The following PCDHA7 variants were observed in gnomAD, a reference collection of about 807,000 sequenced individuals.
PCDHA7 encodes the protein protocadherin alpha 7, also known as protocadherin alpha-7.
Under a neutral mutation model 57.2 loss-of-function variants are expected in PCDHA7, and 37 were observed. The observed-to-expected ratio is 0.65, with a 90% CI of 0.50 to 0.85. The LOEUF is 0.85. Among genes scored for constraint, PCDHA7 ranks in the 40% least tolerant of loss-of-function variants. The pLI, the probability that PCDHA7 is intolerant of heterozygous loss-of-function variation, is 0.00. For synonymous variants in PCDHA7, 553 were observed against 558.8 expected (o/e 0.99, Z 0.15); for missense variants, 1,188 against 1,241.8 (o/e 0.96, Z 0.65).
chr5:140,883,850 C>G (rs369951260), intron 1 of PCDHA7: 31 of 1,612,792 alleles, frequency 1.9e-5, no homozygotes, highest in African/African-American at 4.0e-5. Flanking sequence ...CCACGAGGAG[C>G]TGGAGCTGTT....
intron 1 of PCDHA7, among the ~76,000 whole-genome samples, chr5:140,973,759 C>G (rs1050304490): frequency 2.0e-5 from 3 of 152,250 alleles, no homozygotes; most frequent in Non-Finnish European, 4.4e-5. Flanking sequence ...TGCAGGGACA[C>G]AGCCTGGCAT....
chr5:140,882,853 A>G lies in PCDHA7; in HGVS notation c.2355+46115A>G, dbSNP rs782160647. On this transcript the variant is annotated intron_variant, in intron 1 of 3. Transcript: ENST00000525929. ...AGCAAATGTCTTCATTATCACTTGTACTGAGGAAAACACTGGACAGAGAGG... is the reference window on the plus strand; with the variant it reads ...AGCAAATGTCTTCATTATCACTTGTGCTGAGGAAAACACTGGACAGAGAGG... 1.9e-6 allele frequency: 3 copies of G among 1,614,218 alleles called. No individual in the cohort carries two copies. The Admixed American group carries it at 5.0e-5, about 27-fold the overall frequency.
chr5:140,842,491 GCCCCATGT>G (rs1428836968), intron 1 of PCDHA7: 1 of 1,613,778 alleles, frequency 6.2e-7, no homozygotes, highest in African/African-American at 1.3e-5. Context: ...GCTCCCTGAT[GCCCCATGT>G]CCCCTTCAAG....
chr5:140,959,060 T>C (rs1201389008), intron 1 of PCDHA7, among the ~76,000 whole-genome samples: 1 of 152,138 alleles, frequency 6.6e-6, no homozygotes, highest in Admixed American at 6.5e-5. Context: ...AAATGCAGTA[T>C]ATATAGAATT....
At chr5:140,925,382 C>A (rs2082461008) in intron 1 of PCDHA7, among the ~76,000 whole-genome samples, 1 of 152,078 alleles carries the variant, frequency 6.6e-6, no homozygotes, top group Non-Finnish European at 1.5e-5. Flanking sequence ...GTCAATGAGT[C>A]TCCTTTTGGC....
At chr5:140,990,273 G>A (rs2097384089) in intron 3 of PCDHA7, among the ~76,000 whole-genome samples, 2 of 152,100 alleles carry the variant, frequency 1.3e-5, no homozygotes, top group African/African-American at 4.8e-5. Flanking sequence ...AATGTACCCC[G>A]GGTCTTGAGA....
intron 1 of PCDHA7, chr5:140,852,478 A>G: frequency 5.0e-6 from 1 of 199,118 alleles, no homozygotes. Flanking sequence ...GGGTTTCATC[A>G]TGTTGGCCAG....
At position 140,836,458 on chromosome 5, in the gene PCDHA7, A is replaced by T. The variant is rs2150261468; in HGVS notation, c.2075A>T (p.Glu692Val). 14 of 1,613,642 alleles carry T rather than the reference A, an allele frequency of 8.7e-6. No homozygotes were observed. In the African/African-American group the frequency reaches 1.7e-4, roughly 20 times the overall value. Residue 692 changes from glutamate (E) to valine (V), a missense_variant, in exon 1 of 4, where the codon GAG (glutamate) becomes GTG (valine). Physicochemically the swap from Glu to Val is moderately radical, Grantham distance 121 (BLOSUM62 -2). Around this residue, in one of 3 missense-constraint regions of PCDHA7, gnomAD observed 892 missense variants for 788.5 expected, o/e 1.13. Coordinates refer to ENST00000525929, the MANE Select transcript of PCDHA7 (RefSeq NM_018910.3). ...ASLGIAGPET[E>V]LVDVNVYLII... ...TTGGGCATTGCAGGCCCAGAGACCGAGCTGGTGGATGTCAACGTGTACCTG... is the reference window on the plus strand; with the variant it reads ...TTGGGCATTGCAGGCCCAGAGACCGTGCTGGTGGATGTCAACGTGTACCTG...
Position 140,834,480 on chromosome 5 carries a change from T to C in PCDHA7, c.97T>C (p.Tyr33His). The change falls in exon 1 of 4, where the codon TAC becomes CAC. Residue 33 changes from tyrosine to histidine, a missense_variant. By Grantham distance (83) the Tyr-to-His change is moderately conservative. Transcript: ENST00000525929. ...AWEAGRGQLHYSVPEEAKHGN... is the reference protein window; with the variant it reads ...AWEAGRGQLHHSVPEEAKHGN... ...GGAGGCAGGGAGAGGCCAGCTCCAC[T>C]ACTCGGTCCCCGAGGAGGCTAAACA... The C allele has an allele frequency of 1.2e-6, 2 of 1,614,154 alleles. No individual in the cohort carries two copies. The highest frequency in any genetic ancestry group is 8.5e-7 in the Non-Finnish European group (1 of 1,180,038).
At chr5:140,938,278 G>A (rs1394435028) in intron 1 of PCDHA7, among the ~76,000 whole-genome samples, 1 of 152,090 alleles carries the variant, frequency 6.6e-6, no homozygotes, top group African/African-American at 2.4e-5. Context: ...TAGTTTTCTT[G>A]CTTTCTGTCA....
At chr5:140,890,204 CT>C (rs1256018806) in intron 1 of PCDHA7, among the ~76,000 whole-genome samples, 2 of 151,984 alleles carry the variant, frequency 1.3e-5, no homozygotes, top group African/African-American at 4.8e-5. Context: ...TTTTGTTTTT[CT>C]TTTTTCCCAG....
chr5:140,917,948 A>AT (rs1443419626), intron 1 of PCDHA7, among the ~76,000 whole-genome samples: 16 of 151,986 alleles, frequency 1.1e-4, no homozygotes, highest in African/African-American at 3.9e-4. Flanking sequence ...TGGTAGTTTG[A>AT]TAGGAACATC....
At chr5:140,920,611 C>T (rs919244668) in intron 1 of PCDHA7, among the ~76,000 whole-genome samples, 4 of 152,068 alleles carry the variant, frequency 2.6e-5, no homozygotes, top group Non-Finnish European at 5.9e-5. Flanking sequence ...TTTGGGAGGC[C>T]GAGGCGGATG....
intron 1 of PCDHA7, chr5:140,871,461 A>C: frequency 1.2e-6 from 2 of 1,605,278 alleles, no homozygotes; most frequent in South Asian, 2.2e-5. Flanking sequence ...AGGAAGGGGA[A>C]AGACAGGAGC....
In PCDHA7 at chr5:140,843,362, A is replaced by C. The variant is rs2150191261; in HGVS notation, c.2355+6624A>C. On this transcript the variant is annotated intron_variant, in intron 1 of 3. Transcript: ENST00000525929. ...CGGCCAGGCTCCAAAAGCGTCATCG[A>C]GGCAGTCGGCTGGCGTTTTGGGTCC... 3 of 1,595,998 alleles carry C rather than the reference A, an allele frequency of 1.9e-6. No homozygotes were observed. The East Asian group carries it at 6.7e-5, about 36-fold the overall frequency.
At chr5:140,880,926 G>C (rs1554171610) in intron 1 of PCDHA7, among the ~76,000 whole-genome samples, 1 of 152,192 alleles carries the variant, frequency 6.6e-6, no homozygotes, top group African/African-American at 2.4e-5. Context: ...TACTATGTTA[G>C]TAAAAGTAAT....
Position 140,852,435 on chromosome 5 carries a change from G to A in PCDHA7, c.2355+15697G>A, listed in dbSNP as rs2150516888. ...TGGGATTATAGGCACATGCCACCGC[G>A]CCCAGCTAATTTTTGTATTTTTAGT... On this transcript the variant is annotated intron_variant, in intron 1 of 3. Coordinates refer to ENST00000525929, the MANE Select transcript of PCDHA7 (RefSeq NM_018910.3). 3.0e-4 allele frequency: 55 copies of A among 181,308 alleles called. 4 individuals carry two copies. Among genetic ancestry groups the A allele is most frequent in the African/African-American group, 1.1e-3 (44 of 41,148 alleles). 11.2% of individuals were successfully genotyped at this position (181,308 alleles called of 1,614,324 possible).
At chr5:140,869,286 G>A in intron 1 of PCDHA7, 2 of 1,613,616 alleles carry the variant, frequency 1.2e-6, no homozygotes, top group Non-Finnish European at 1.7e-6. Context: ...AGCTGGTGCA[G>A]CGCCTGTTCC....
At chr5:140,993,103 G>A (rs2097540365) in intron 3 of PCDHA7, among the ~76,000 whole-genome samples, 1 of 152,218 alleles carries the variant, frequency 6.6e-6, no homozygotes, top group East Asian at 1.9e-4. Context: ...TTTATTCAGC[G>A]GTCAGTGTCA....
Sources: allele counts gnomAD v4.1 joint callset (sites outside exome capture counted in the v4.1 genomes callset), GRCh38; gene constraint gnomAD v4.1.1; regional missense constraint gnomAD v4.1.1; transcripts MANE v1.5; gene names NCBI Gene and HGNC (gene_info 2026-07-23, HGNC 2026-07-21).